Variants in GRIN2D observed in about 807,000 individuals in gnomAD.
The protein encoded by GRIN2D is glutamate receptor ionotropic, NMDA 2D.
A neutral mutation model predicts 103.2 loss-of-function variants in GRIN2D; 37 were observed. The ratio of observed to expected loss-of-function variants is 0.36; its 90% CI spans 0.28 to 0.47. GRIN2D has a LOEUF of 0.47. Ranked by LOEUF, GRIN2D falls within the 20% of genes least tolerant of loss-of-function variation. The pLI is 1.00. For synonymous variants in GRIN2D, 845 were observed against 885.6 expected, an observed-to-expected ratio of 0.95 and a Z score of 0.81; for missense variants, 1,557 against 1,910.6, an observed-to-expected ratio of 0.81 and a Z score of 3.45.
At chr19:48,429,398 TTTTA>T (rs1381865406) in intron 11 of GRIN2D, among the ~76,000 whole-genome samples, 8 of 151,858 alleles carry the variant, frequency 5.3e-5, no homozygotes, top group African/African-American at 4.8e-5. Flanking sequence ...ATTAATTTTA[TTTTA>T]TTTATTTATT....
rs1452030802 is a variant in GRIN2D at position 48,398,759 on chromosome 19, G to T, written c.367G>T (p.Ala123Ser). 3 of 1,463,748 alleles carry T rather than the reference G, an allele frequency of 2.0e-6. No homozygotes were observed. Among genetic ancestry groups the T allele is most frequent in the Non-Finnish European group, 2.7e-6 (3 of 1,113,652 alleles). The allele number at this position is 1,463,748 out of a possible 1,614,324, so 90.7% of individuals were successfully genotyped here. The change falls in exon 3 of 14, where the codon GCG (alanine) becomes TCG (serine). Residue 123 changes from alanine (A) to serine (S), a missense_variant. Coordinates refer to ENST00000263269, the MANE Select transcript of GRIN2D (RefSeq NM_000836.4). The part of the protein sequence containing the change: ...HGVVFEDDSR[A>S]PAVAPILDFL... ...CGTGGTCTTCGAAGACGACTCGCGCGCGCCCGCCGTCGCGCCCATCCTCGA... is the reference window on the plus strand; with the variant it reads ...CGTGGTCTTCGAAGACGACTCGCGCTCGCCCGCCGTCGCGCCCATCCTCGA...
At chr19:48,401,286 G>C (rs1025745806) in intron 3 of GRIN2D, among the ~76,000 whole-genome samples, 2 of 152,032 alleles carry the variant, frequency 1.3e-5, no homozygotes, top group African/African-American at 4.8e-5. Context: ...AGGGAGACAA[G>C]GTCCCTGCCT....
intron 11 of GRIN2D, among the ~76,000 whole-genome samples, chr19:48,439,440 G>C (rs1971267051): frequency 6.6e-6 from 1 of 152,118 alleles, no homozygotes. Context: ...CCCAGCCACA[G>C]ATGAGAATAA....
At position 48,405,315 on chromosome 19, in the gene GRIN2D, C is replaced by T. The variant is rs150366451; in HGVS notation, c.1047C>T (p.Arg349=). ...TTCCTGAGCTCGGCCACGACTGTCGCGCCCAGAACCGCACCCACCGCGGCG... is the reference window on the plus strand; with the variant it reads ...TTCCTGAGCTCGGCCACGACTGTCGTGCCCAGAACCGCACCCACCGCGGCG... ...GFLPELGHDC[R]AQNRTHRGES... The change falls in exon 4 of 14, where the codon CGC becomes CGT. Residue 349 remains arginine (R), a synonymous_variant. Transcript: ENST00000263269. The surrounding 1 kb of genome is among the most constrained non-coding windows in gnomAD (Gnocchi z 5.1). 7 of 1,600,426 alleles carry T rather than the reference C, an allele frequency of 4.4e-6. No homozygotes were observed. The highest frequency in any genetic ancestry group is 1.3e-5 in the African/African-American group (1 of 74,734).
Position 48,443,495 on chromosome 19 carries a change from C to G in GRIN2D, c.3569C>G (p.Pro1190Arg). The change falls in exon 14 of 14, where the codon CCG becomes CGG. Residue 1190 changes from proline (P) to arginine (R), a missense_variant. Physicochemically the swap from Pro to Arg is moderately radical, Grantham distance 103. This residue lies in a region of GRIN2D where 632 missense variants were observed against 572.8 expected (regional missense o/e 1.10). Transcript: ENST00000263269. The surrounding 1 kb of genome is among the most constrained non-coding windows in gnomAD (Gnocchi z 8.9). ...CACTGCGCCAGCCTGGAGCTGCTGC[C>G]GCCGCCGCGCCATCTCAGCTGCTCG... ...CRHCASLELL[P>R]PPRHLSCSHD... The G allele has an allele frequency of 7.4e-7, 1 of 1,357,066 alleles. No individual in the cohort carries two copies. Among genetic ancestry groups the G allele is most frequent in the Non-Finnish European group, 9.5e-7 (1 of 1,055,034 alleles). The allele number at this position is 1,357,066 out of a possible 1,614,324, so 84.1% of individuals were successfully genotyped here. A position where few individuals can be genotyped will look rare whatever the true frequency, so the allele number is the denominator to read the frequency against.
intron 3 of GRIN2D, 124 bp from the exon 4 acceptor site, chr19:48,404,609 AG>A: frequency 1.1e-6 from 1 of 899,974 alleles, no homozygotes; most frequent in South Asian, 1.7e-5. Flanking sequence ...CAGGAGGAAA[AG>A]GAGATGGGTT....
chr19:48,431,585 C>CT (rs1377100099), intron 11 of GRIN2D, among the ~76,000 whole-genome samples: 2,929 of 140,236 alleles, frequency 0.021, 84 homozygotes, highest in African/African-American at 0.048. Flanking sequence ...ATCTGTTTCC[C>CT]TTTTTTTTTT....
In GRIN2D at chr19:48,443,584, C is replaced by T; in HGVS notation, c.3658C>T (p.Pro1220Ser). 8 of 1,185,878 alleles carry T rather than the reference C, an allele frequency of 6.7e-6. No homozygotes were observed. Among genetic ancestry groups the T allele is most frequent in the Non-Finnish European group, 7.3e-6 (7 of 959,644 alleles). The allele number at this position is 1,185,878 out of a possible 1,614,324, so 73.5% of individuals were successfully genotyped here. Reference sequence around the variant, plus strand: ...TCCACCCTGGGCCGCCGGGCCCCTGCCCCGACGCCGGGCCCGCTGCGGGTG... The same window carrying T: ...TCCACCCTGGGCCGCCGGGCCCCTGTCCCGACGCCGGGCCCGCTGCGGGTG... Reference protein sequence around the residue: ...PPPPWAAGPLPRRRARCGCPR... With the variant: ...PPPPWAAGPLSRRRARCGCPR... Residue 1220 changes from proline to serine, a missense_variant, in exon 14 of 14, where the codon CCC becomes TCC. Coordinates refer to ENST00000263269, the MANE Select transcript of GRIN2D (RefSeq NM_000836.4). The surrounding 1 kb of genome is among the most constrained non-coding windows in gnomAD (Gnocchi z 8.9).
In GRIN2D at chr19:48,404,841, C is replaced by T. The variant is rs1171805324; in HGVS notation, c.573C>T (p.Thr191=). 1.2e-6 allele frequency: 2 copies of T among 1,614,102 alleles called. No homozygotes were observed. Among genetic ancestry groups the T allele is most frequent in the South Asian group, 1.1e-5 (1 of 91,092 alleles). The change falls in exon 4 of 14, where the codon ACC becomes ACT. Residue 191 remains threonine (T), a synonymous_variant. Coordinates refer to ENST00000263269, the MANE Select transcript of GRIN2D (RefSeq NM_000836.4). The part of the protein sequence containing the change: ...EYDWTSFVAV[T]TRAPGHRAFL... Reference sequence around the variant, plus strand: ...ACTGGACGTCCTTTGTAGCCGTGACCACTCGTGCCCCTGGCCACCGGGCCT... The same window carrying T: ...ACTGGACGTCCTTTGTAGCCGTGACTACTCGTGCCCCTGGCCACCGGGCCT...
intron 3 of GRIN2D, among the ~76,000 whole-genome samples, chr19:48,399,670 T>C (rs969681833): frequency 6.6e-6 from 1 of 151,848 alleles, no homozygotes; most frequent in Non-Finnish European, 1.5e-5. Flanking sequence ...AGGACAGAGT[T>C]TGGGGAGGCG....
Position 48,442,573 on chromosome 19 carries a change from A to T in GRIN2D, c.2674-27A>T. 6.8e-7 allele frequency: 1 copy of T among 1,478,216 alleles called. No individual in the cohort carries two copies. Among genetic ancestry groups the T allele is most frequent in the Non-Finnish European group, 8.9e-7 (1 of 1,121,120 alleles). 91.6% of individuals were successfully genotyped at this position (1,478,216 alleles called of 1,614,324 possible). On this transcript the variant is annotated intron_variant, in intron 13 of 13. Transcript: ENST00000263269. This position sits in a 1 kb window ranked among gnomAD's most constrained non-coding sequence, Gnocchi z 7.2. Reference sequence around the variant, plus strand: ...CAGGCGTCCTGGGCATCTCGCGCTGACCCCCGTCCTGTCCCCGGACCCGCA... The same window carrying T: ...CAGGCGTCCTGGGCATCTCGCGCTGTCCCCCGTCCTGTCCCCGGACCCGCA...
chr19:48,405,079 G>T lies in GRIN2D; in HGVS notation c.811G>T (p.Val271Phe), dbSNP rs565752293. The change falls in exon 4 of 14, where the codon GTC (valine) becomes TTC (phenylalanine). Residue 271 changes from valine to phenylalanine, a missense_variant. Transcript: ENST00000263269. The surrounding 1 kb of genome is among the most constrained non-coding windows in gnomAD (Gnocchi z 5.1). The part of the protein sequence containing the change: ...EEAGLTGSGY[V>F]WFMVGPQLAG... ...GGCTGGCCTCACTGGATCTGGCTACGTCTGGTTCATGGTGGGGCCCCAGCT... is the reference window on the plus strand; with the variant it reads ...GGCTGGCCTCACTGGATCTGGCTACTTCTGGTTCATGGTGGGGCCCCAGCT... 1 of 1,601,468 alleles carries T rather than the reference G, an allele frequency of 6.2e-7. No individual in the cohort carries two copies. The highest frequency in any genetic ancestry group is 8.5e-7 in the Non-Finnish European group (1 of 1,173,604).
chr19:48,421,708 G>A lies in GRIN2D; in HGVS notation c.2092-77G>A, dbSNP rs1289647053. 1.7e-6 allele frequency: 2 copies of A among 1,205,720 alleles called. No homozygotes were observed. The highest frequency in any genetic ancestry group is 1.2e-6 in the Non-Finnish European group (1 of 826,248). 74.7% of individuals were successfully genotyped at this position (1,205,720 alleles called of 1,614,324 possible). On this transcript the variant is annotated intron_variant, in intron 10 of 13. Coordinates refer to ENST00000263269, the MANE Select transcript of GRIN2D (RefSeq NM_000836.4). The surrounding 1 kb of genome is among the most constrained non-coding windows in gnomAD (Gnocchi z 4.8). ...GACTGGGGTGTCTGCCAGATAGCGG[G>A]TGTGTCTCAGAATGGGTGATTTATG...
chr19:48,399,992 G>A lies in GRIN2D; in HGVS notation c.465+1135G>A, dbSNP rs1249197100. ...GAAGGGGCATACCCCGCTGTGAGGT[G>A]TGGAAAGCGAGAGTCCAGAGGATGG... On this transcript the variant is annotated intron_variant, in intron 3 of 13. Coordinates refer to ENST00000263269, the MANE Select transcript of GRIN2D (RefSeq NM_000836.4). Among the ~76,000 whole-genome samples, 3 of 152,288 alleles carry A rather than the reference G, an allele frequency of 2.0e-5. No homozygotes were observed. The East Asian group carries it at 5.8e-4, about 29-fold the overall frequency.
At chr19:48,410,921 G>C (rs1654670) in intron 4 of GRIN2D, among the ~76,000 whole-genome samples, 31,414 of 151,994 alleles carry the variant, frequency 0.21, 3,439 homozygotes, top group East Asian at 0.34. Context: ...ATGAGAGACA[G>C]TCAGAGTACC....
chr19:48,398,594 C>A lies in GRIN2D; in HGVS notation c.202C>A (p.Arg68Ser). The A allele has an allele frequency of 2.5e-6, 3 of 1,219,854 alleles. No homozygotes were observed. The highest frequency in any genetic ancestry group is 3.1e-6 in the Non-Finnish European group (3 of 979,536). 75.6% of individuals were successfully genotyped at this position (1,219,854 alleles called of 1,614,324 possible). A position where few individuals can be genotyped will look rare whatever the true frequency, so the allele number is the denominator to read the frequency against. The change falls in exon 3 of 14, where the codon CGC (arginine) becomes AGC (serine). Residue 68 changes from arginine to serine, a missense_variant. Coordinates refer to ENST00000263269, the MANE Select transcript of GRIN2D (RefSeq NM_000836.4). ...SGPAYAAEAA[R>S]LGPAVAAAVR... Reference sequence around the variant, plus strand: ...GCCCGCGTACGCGGCCGAGGCGGCACGCCTGGGCCCGGCCGTGGCGGCGGC... The same window carrying A: ...GCCCGCGTACGCGGCCGAGGCGGCAAGCCTGGGCCCGGCCGTGGCGGCGGC...
chr19:48,439,980 G>A (rs1239180763), intron 11 of GRIN2D, among the ~76,000 whole-genome samples: 1 of 152,146 alleles, frequency 6.6e-6, no homozygotes, highest in Non-Finnish European at 1.5e-5. Context: ...GGGAGGCTGA[G>A]TTGGGTGGAT....
intron 11 of GRIN2D, among the ~76,000 whole-genome samples, chr19:48,431,578 T>A (rs972158954): frequency 5.9e-5 from 9 of 151,992 alleles, no homozygotes; most frequent in Non-Finnish European, 8.8e-5. Flanking sequence ...TGCCTTGATC[T>A]GTTTCCCTTT....
Position 48,442,813 on chromosome 19 carries a change from C to A in GRIN2D, c.2887C>A (p.Arg963Ser). The A allele has an allele frequency of 9.3e-7, 1 of 1,077,700 alleles. No homozygotes were observed. The highest frequency in any genetic ancestry group is 1.1e-6 in the Non-Finnish European group (1 of 890,820). The allele number at this position is 1,077,700 out of a possible 1,614,324, so 66.8% of individuals were successfully genotyped here. A position where few individuals can be genotyped will look rare whatever the true frequency, so the allele number is the denominator to read the frequency against. Residue 963 changes from arginine to serine, a missense_variant, in exon 14 of 14, where the codon CGC (arginine) becomes AGC (serine). Coordinates refer to ENST00000263269, the MANE Select transcript of GRIN2D (RefSeq NM_000836.4). The surrounding 1 kb of genome is among the most constrained non-coding windows in gnomAD (Gnocchi z 7.2). ...CGCGGGCCTGGCCGACGGCTTCCAC[C>A]GCTACTACGGCCCCATCGAGCCGCA... ...GGAGLADGFH[R>S]YYGPIEPQGL...
Sources: allele counts gnomAD v4.1 joint callset (sites outside exome capture counted in the v4.1 genomes callset), GRCh38; gene constraint gnomAD v4.1.1; regional missense constraint gnomAD v4.1.1; non-coding constraint Gnocchi (gnomAD v3.1); transcripts MANE v1.5; gene names NCBI Gene and HGNC (gene_info 2026-07-23, HGNC 2026-07-21).